ARSG: variants seen among roughly 807,000 people sequenced by gnomAD.
ARSG encodes arylsulfatase G.
In ARSG, 37 loss-of-function variants were observed where a neutral mutation model predicts 50.5. The ratio of observed to expected loss-of-function variants is 0.73; its 90% CI spans 0.56 to 0.96. The LOEUF is 0.96. Among genes scored for constraint, ARSG ranks in the 50% least tolerant of loss-of-function variants. The pLI is 0.00. For synonymous variants in ARSG, 225 were observed against 254.6 expected (o/e 0.88, Z 1.11); for missense variants, 629 against 675.3 (o/e 0.93, Z 0.76).
chr17:68,321,687 C>T (rs1241072660), intron 2 of ARSG, among the ~76,000 whole-genome samples: 1 of 152,144 alleles, frequency 6.6e-6, no homozygotes, highest in Non-Finnish European at 1.5e-5. Flanking sequence ...TTCCCTGATT[C>T]TAATACACAT....
chr17:68,393,963 T>C (rs994041385), intron 9 of ARSG, among the ~76,000 whole-genome samples: 1 of 152,156 alleles, frequency 6.6e-6, no homozygotes, highest in African/African-American at 2.4e-5. Flanking sequence ...TTTTTCTTTT[T>C]GTTTTTTTTG....
At chr17:68,391,469 A>G (rs1156541071) in intron 9 of ARSG, among the ~76,000 whole-genome samples, 1 of 152,168 alleles carries the variant, frequency 6.6e-6, no homozygotes, top group Admixed American at 6.5e-5. Context: ...GATTCCGTGA[A>G]CATTAGACTT....
rs199774302 is a variant in ARSG at position 68,395,073 on chromosome 17, C to T, written c.1092C>T (p.Ser364=). Residue 364 remains serine (S), a splice_region_variant and synonymous_variant, in exon 10 of 12, where the codon AGC becomes AGT. Coordinates refer to ENST00000621439, the MANE Select transcript of ARSG (RefSeq NM_001267727.2). ...CAACTCAGTCTTGTTATTTCCGCAG[C>T]GTGCTGGACATTTTTCCAACTGTGG... The part of the protein sequence containing the change: ...PVNVTSTALL[S]VLDIFPTVVA... The T allele has an allele frequency of 3.9e-5, 63 of 1,613,822 alleles. No individual in the cohort carries two copies. Among genetic ancestry groups the T allele is most frequent in the African/African-American group, 3.5e-4 (26 of 75,032 alleles).
downstream of ARSG, among the ~76,000 whole-genome samples, chr17:68,426,737 G>A (rs779703753): frequency 3.9e-5 from 6 of 152,130 alleles, no homozygotes; most frequent in Non-Finnish European, 8.8e-5. Context: ...GTTTCACCAT[G>A]TTGGCTAGGC....
At chr17:68,386,690 A>C (rs2080742077) in intron 9 of ARSG, among the ~76,000 whole-genome samples, 1 of 152,128 alleles carries the variant, frequency 6.6e-6, no homozygotes, top group Non-Finnish European at 1.5e-5. Context: ...TGGTGTAGTC[A>C]AAGTGCTTAT....
At chr17:68,339,276 C>T (rs978912451) in intron 2 of ARSG, among the ~76,000 whole-genome samples, 24 of 151,202 alleles carry the variant, frequency 1.6e-4, no homozygotes, top group East Asian at 5.8e-4. Flanking sequence ...CCAGCCTGGG[C>T]GACAGAGCGA....
chr17:68,422,659 G>A (rs1015496943), downstream of ARSG: 2 of 149,366 alleles, frequency 1.3e-5, no homozygotes, highest in Non-Finnish European at 3.0e-5. Context: ...AACCTAGGAG[G>A]TGGAGGTTGC....
In ARSG at chr17:68,295,983, A is replaced by C. The variant is rs974971175; in HGVS notation, c.-552+4415A>C. 2.0e-4 allele frequency among the ~76,000 whole-genome samples: 31 copies of C among 152,080 alleles called. 1 individual carries two copies. The highest frequency in any genetic ancestry group is 3.7e-4 in the Non-Finnish European group (25 of 68,022). ...GCATGAGCCACTGCTCCGGCCTAAA[A>C]AATATATATTTTTAAAAAATTAGCT... is the stretch of plus-strand genomic sequence containing the variant. On this transcript the variant is annotated intron_variant, in intron 1 of 11. Coordinates refer to ENST00000621439, the MANE Select transcript of ARSG (RefSeq NM_001267727.2).
intron 2 of ARSG, among the ~76,000 whole-genome samples, chr17:68,342,170 A>G (rs72839307): frequency 1.2e-4 from 19 of 152,170 alleles, no homozygotes; most frequent in Non-Finnish European, 2.4e-4. Context: ...AGCCACCGTG[A>G]GTACTGAATT....
In ARSG at chr17:68,406,071, A is replaced by T. The variant is rs542981994; in HGVS notation, c.1303+4621A>T. On this transcript the variant is annotated intron_variant, in intron 11 of 11. Transcript: ENST00000621439. Reference sequence around the variant, plus strand: ...CTTTACCCCCAAGTCCCCAAAGTCCACTGTGTCATTCTTATGCTTTTATGT... The same window carrying T: ...CTTTACCCCCAAGTCCCCAAAGTCCTCTGTGTCATTCTTATGCTTTTATGT... 1.9e-3 allele frequency among the ~76,000 whole-genome samples: 291 copies of T among 152,088 alleles called. 1 individual carries two copies. Among genetic ancestry groups the T allele is most frequent in the African/African-American group, 6.6e-3 (272 of 41,498 alleles).
chr17:68,298,594 CAAAA>C (rs562725952), intron 1 of ARSG, among the ~76,000 whole-genome samples: 11 of 64,848 alleles, frequency 1.7e-4, no homozygotes, highest in African/African-American at 3.7e-4. Flanking sequence ...GATCCTGTCT[CAAAA>C]AAAAAAAAAA....
intron 2 of ARSG, among the ~76,000 whole-genome samples, chr17:68,311,215 T>C (rs556199828): frequency 9.8e-5 from 15 of 152,304 alleles, no homozygotes; most frequent in Non-Finnish European, 1.6e-4. Context: ...TCTTCTCTCT[T>C]GCAGTGGTCT....
chr17:68,359,124 C>T (rs1254195606), intron 6 of ARSG, among the ~76,000 whole-genome samples: 1 of 152,124 alleles, frequency 6.6e-6, no homozygotes, highest in Non-Finnish European at 1.5e-5. Context: ...GATCAGGCCA[C>T]TGCACTCCAG....
chr17:68,445,328 C>T, the ARSG span, among the ~76,000 whole-genome samples: 1 of 152,318 alleles, frequency 6.6e-6, no homozygotes, highest in Non-Finnish European at 1.5e-5. Flanking sequence ...GTGTTTATAG[C>T]ACAGGTCTCC....
intron 1 of ARSG, among the ~76,000 whole-genome samples, chr17:68,266,508 A>G (rs2075169451): frequency 7.1e-6 from 1 of 140,944 alleles, no homozygotes; most frequent in African/African-American, 2.6e-5. Context: ...TACAAAAAAA[A>G]AAAGACATAA....
chr17:68,259,241 G>A (rs2075036500), exon 1 of ARSG: 1 of 152,196 alleles, frequency 6.6e-6, no homozygotes, highest in South Asian at 2.1e-4. Flanking sequence ...ACCTGTTTCC[G>A]CGCCCGGGGA....
At chr17:68,394,253 A>G (rs72841860) in intron 9 of ARSG, among the ~76,000 whole-genome samples, 7,059 of 152,164 alleles carry the variant, frequency 0.046, 350 homozygotes, top group East Asian at 0.22. Context: ...AGTTCATGGT[A>G]AGTACTTAGT....
At chr17:68,308,589 G>T (rs904773369) in intron 2 of ARSG, among the ~76,000 whole-genome samples, 1 of 152,210 alleles carries the variant, frequency 6.6e-6, no homozygotes, top group Admixed American at 6.5e-5. Context: ...GAGAGCGAAA[G>T]AACAAAGCTT....
chr17:68,373,395 G>T (rs1166776126), intron 8 of ARSG, among the ~76,000 whole-genome samples: 2 of 151,340 alleles, frequency 1.3e-5, no homozygotes, highest in African/African-American at 4.9e-5. Flanking sequence ...ACACCTGGCT[G>T]ATTTTGTATT....
Sources: gnomAD v4.1 joint callset for allele counts (sites outside exome capture counted in the v4.1 genomes callset) on GRCh38, gnomAD v4.1.1 for gene constraint, MANE v1.5 for transcripts, NCBI Gene and HGNC (gene_info 2026-07-23, HGNC 2026-07-21) for gene names.